Variants in PCBP3 observed in about 807,000 individuals in gnomAD.
PCBP3 encodes poly(rC)-binding protein 3.
A neutral mutation model predicts 52.7 loss-of-function variants in PCBP3; 25 were observed. The ratio of observed to expected loss-of-function variants is 0.47; its 90% CI spans 0.35 to 0.66. PCBP3 has a LOEUF of 0.66. PCBP3 is among the 30% of genes least tolerant of loss of function. PCBP3 has a pLI of 0.01. For synonymous variants in PCBP3, 162 were observed against 183.0 expected, an observed-to-expected ratio of 0.89 and a Z score of 0.93; for missense variants, 391 against 490.3, an observed-to-expected ratio of 0.80 and a Z score of 1.91.
At chr21:45,688,563 A>G (rs942654959) in intron 2 of PCBP3, among the ~76,000 whole-genome samples, 1 of 152,206 alleles carries the variant, frequency 6.6e-6, no homozygotes, top group Admixed American at 6.5e-5. Flanking sequence ...TTACCTTAAG[A>G]AGCTAATAAA....
intron 4 of PCBP3, among the ~76,000 whole-genome samples, chr21:45,813,178 C>T (rs1302356690): frequency 2.0e-5 from 3 of 152,168 alleles, no homozygotes; most frequent in Non-Finnish European, 4.4e-5. Flanking sequence ...TATTGTCACG[C>T]AGGTCTCTCA....
intron 10 of PCBP3, among the ~76,000 whole-genome samples, 164 bp downstream of exon 10, chr21:45,909,650 C>A (rs973012822): frequency 2.6e-5 from 4 of 152,082 alleles, no homozygotes; most frequent in African/African-American, 9.7e-5. Flanking sequence ...AACACAGGAC[C>A]CATGAGCAAG....
intron 2 of PCBP3, among the ~76,000 whole-genome samples, chr21:45,684,368 T>G (rs569585087): frequency 8.5e-5 from 13 of 152,316 alleles, no homozygotes; most frequent in Admixed American, 4.6e-4. Flanking sequence ...ATAAGAGAGA[T>G]AGAGAATTAC....
intron 1 of PCBP3, among the ~76,000 whole-genome samples, chr21:45,658,315 A>AT (rs550496727): frequency 2.4e-3 from 363 of 152,018 alleles, no homozygotes; most frequent in South Asian, 9.4e-3. Context: ...TTTGTTGAGG[A>AT]TTTTTTGAGA....
chr21:45,909,424 C>T lies in PCBP3; in HGVS notation c.409C>T (p.Pro137Ser). 6.2e-7 allele frequency: 1 copy of T among 1,612,926 alleles called. No homozygotes were observed. The highest frequency in any genetic ancestry group is 8.5e-7 in the Non-Finnish European group (1 of 1,179,340). The stretch of plus-strand genomic sequence containing the variant: ...CCCAGTGACGCTGAGGCTGGTGGTG[C>T]CTGCCAGCCAGTGTGGGTCCCTGAT... ...KPPVTLRLVV[P>S]ASQCGSLIGK... The change falls in exon 10 of 18, where the codon CCT becomes TCT. Residue 137 changes from proline (P) to serine (S), a missense_variant. Coordinates refer to ENST00000681687, the MANE Select transcript of PCBP3 (RefSeq NM_001384156.1).
chr21:45,757,415 T>G (rs890949164), intron 4 of PCBP3, among the ~76,000 whole-genome samples: 3 of 152,242 alleles, frequency 2.0e-5, no homozygotes, highest in Admixed American at 2.0e-4. Flanking sequence ...ATATATATAT[T>G]CTGGATACTA....
chr21:45,934,198 A>G (rs1378083297), intron 15 of PCBP3, among the ~76,000 whole-genome samples: 1 of 152,154 alleles, frequency 6.6e-6, no homozygotes, highest in Non-Finnish European at 1.5e-5. Context: ...TGGGGTCTCC[A>G]GGGCCCAGGC....
rs771859881 is a variant in PCBP3, at chr21:45,737,272, C to G, written c.-162+1843C>G. Among the ~76,000 whole-genome samples the G allele has an allele frequency of 6.6e-6, 1 of 152,126 alleles. No individual in the cohort carries two copies. Among genetic ancestry groups the G allele is most frequent in the Non-Finnish European group, 1.5e-5 (1 of 68,026 alleles). On this transcript the variant is annotated intron_variant, in intron 3 of 17. Coordinates refer to ENST00000681687, the MANE Select transcript of PCBP3 (RefSeq NM_001384156.1). This position sits in a 1 kb window ranked among gnomAD's most constrained non-coding sequence, Gnocchi z 4.9. ...GGAGCCAGCCAGTCTCTTCTCTGTG[C>G]TAGGTTATTGTTGTGGCTTTAGCTA...
At chr21:45,875,086 G>A (rs2095202979) in intron 5 of PCBP3, among the ~76,000 whole-genome samples, 1 of 152,384 alleles carries the variant, frequency 6.6e-6, no homozygotes, top group South Asian at 2.1e-4. Flanking sequence ...CCCTGACGCG[G>A]CACCTTCCTT....
chr21:45,790,550 G>A (rs572527713), intron 4 of PCBP3, among the ~76,000 whole-genome samples: 12 of 152,274 alleles, frequency 7.9e-5, no homozygotes, highest in East Asian at 1.9e-4. Flanking sequence ...ATCCGGGGGC[G>A]TCTGTGGAGA....
intron 1 of PCBP3, among the ~76,000 whole-genome samples, chr21:45,661,397 G>T (rs1344709479): frequency 6.6e-6 from 1 of 152,112 alleles, no homozygotes; most frequent in East Asian, 1.9e-4. Flanking sequence ...TCTCTCGTAA[G>T]TGAGAATATA....
intron 3 of PCBP3, among the ~76,000 whole-genome samples, chr21:45,743,553 C>A (rs886557389): frequency 6.6e-6 from 1 of 152,126 alleles, no homozygotes; most frequent in African/African-American, 2.4e-5. Context: ...TTGGAATAAA[C>A]CCCGTTAGGC....
rs541947932 is a variant in PCBP3 at position 45,789,190 on chromosome 21, ATGTG to A, written c.-126+33744_-126+33747del. ...AATGTGTGTGCACACGTGCGTGTGC[ATGTG>A]TGTGTCTGCACATGCAAATGTGCAT... On this transcript the variant is annotated intron_variant, in intron 4 of 17. Transcript: ENST00000681687. 1.2e-3 allele frequency among the ~76,000 whole-genome samples: 181 copies of A among 152,340 alleles called. 1 individual carries two copies. The highest frequency in any genetic ancestry group is 4.0e-3 in the African/African-American group (167 of 41,582).
At chr21:45,914,382 G>A (rs113360839) in intron 12 of PCBP3, 6 of 484,162 alleles carry the variant, frequency 1.2e-5, no homozygotes, top group Middle Eastern at 1.0e-3. Flanking sequence ...GAAACAGCAT[G>A]GTGAGAACCA....
intron 4 of PCBP3, chr21:45,762,491 C>CTTTTTTTTTTTTTTTTTTTTTTTTT (rs374275789): frequency 4.8e-5 from 5 of 104,666 alleles, no homozygotes; most frequent in Non-Finnish European, 9.4e-5. Context: ...CTTTTCTTCT[C>CTTTTTTTTTTTTTTTTTTTTTTTTT]TTTTTTTTTT....
At chr21:45,644,882 G>C (rs867366559) in intron 1 of PCBP3, among the ~76,000 whole-genome samples, 74 of 152,332 alleles carry the variant, frequency 4.9e-4, no homozygotes, top group African/African-American at 1.6e-3. Flanking sequence ...ACTTTCAGGG[G>C]CAAACTGTTG....
chr21:45,875,041 C>T (rs2095199668), intron 5 of PCBP3, among the ~76,000 whole-genome samples: 1 of 152,250 alleles, frequency 6.6e-6, no homozygotes, highest in South Asian at 2.1e-4. Context: ...AGCCTCCTCA[C>T]AAAGCCAGTC....
chr21:45,846,070 G>A (rs2093804413), intron 4 of PCBP3, among the ~76,000 whole-genome samples: 1 of 152,166 alleles, frequency 6.6e-6, no homozygotes, highest in Admixed American at 6.5e-5. Flanking sequence ...CTCCATCAGG[G>A]GCCTGCTCTC....
chr21:45,930,400 C>A (rs1018044946), intron 14 of PCBP3, among the ~76,000 whole-genome samples: 2 of 152,214 alleles, frequency 1.3e-5, no homozygotes, highest in Non-Finnish European at 2.9e-5. Context: ...CGTGGATGCT[C>A]TTCTGCAGGA....
Sources: allele counts gnomAD v4.1 joint callset (sites outside exome capture counted in the v4.1 genomes callset), GRCh38; gene constraint gnomAD v4.1.1; non-coding constraint Gnocchi (gnomAD v3.1); transcripts MANE v1.5; gene names NCBI Gene and HGNC (gene_info 2026-07-23, HGNC 2026-07-21).